Variants in NELL1 observed in about 807,000 individuals in gnomAD.
The protein encoded by NELL1 is protein kinase C-binding protein NELL1.
Under a neutral mutation model 107.4 loss-of-function variants are expected in NELL1, and 76 were observed. The ratio of observed to expected loss-of-function variants is 0.71; its 90% confidence interval spans 0.59 to 0.86. NELL1 has a LOEUF of 0.86. Among genes scored for constraint, NELL1 ranks in the 40% least tolerant of loss-of-function variants. NELL1 has a pLI of 0.00. For missense variants in NELL1, 1,024 were observed against 1,005.5 expected, an observed-to-expected ratio of 1.02 and a Z score of -0.25; for synonymous variants, 353 against 341.2, an observed-to-expected ratio of 1.03 and a Z score of -0.38.
At chr11:20,899,343 C>T (rs1300522994) in intron 5 of NELL1, among the ~76,000 whole-genome samples, 1 of 152,122 alleles carries the variant, frequency 6.6e-6, no homozygotes, top group East Asian at 1.9e-4. Context: ...TAACTAACCT[C>T]CCACCTTTGT....
At chr11:21,558,007 G>A (rs1192758848) in intron 16 of NELL1, among the ~76,000 whole-genome samples, 1 of 152,042 alleles carries the variant, frequency 6.6e-6, no homozygotes, top group Non-Finnish European at 1.5e-5. Flanking sequence ...ATGCAGGATA[G>A]AATTGTGTAT....
At chr11:21,459,965 T>G (rs1270095815) in intron 15 of NELL1, among the ~76,000 whole-genome samples, 1 of 152,082 alleles carries the variant, frequency 6.6e-6, no homozygotes, top group Non-Finnish European at 1.5e-5. Context: ...ATTCTTATGT[T>G]CAGAACATTG....
chr11:21,086,037 G>T (rs1023129647), intron 12 of NELL1, among the ~76,000 whole-genome samples: 3 of 152,152 alleles, frequency 2.0e-5, no homozygotes, highest in Non-Finnish European at 4.4e-5. Flanking sequence ...TTTTCAGAAT[G>T]CAATAGGTAC....
chr11:21,039,466 G>A (rs747486954), intron 12 of NELL1, among the ~76,000 whole-genome samples: 17 of 152,044 alleles, frequency 1.1e-4, no homozygotes, highest in Admixed American at 2.6e-4. Context: ...GATTACAGGC[G>A]TGAGCCACCA....
At chr11:20,674,445 T>C (rs1251903608) in intron 1 of NELL1, 1 of 1,464,080 alleles carries the variant, frequency 6.8e-7, no homozygotes, top group Admixed American at 2.0e-5. Context: ...CAGGTACCAG[T>C]ATCTTTTTAC....
chr11:21,360,315 G>T (rs1851045800), intron 14 of NELL1, among the ~76,000 whole-genome samples: 1 of 152,094 alleles, frequency 6.6e-6, no homozygotes, highest in Admixed American at 6.6e-5. Flanking sequence ...TTCCTTTGGA[G>T]TTGACTTCCA....
intron 2 of NELL1, among the ~76,000 whole-genome samples, chr11:20,775,127 ACT>A (rs1417762732): frequency 6.6e-6 from 1 of 152,146 alleles, no homozygotes; most frequent in Non-Finnish European, 1.5e-5. Flanking sequence ...TCTTACAATA[ACT>A]CTCAGAGAAG....
At chr11:21,255,627 C>G (rs1273294995) in intron 14 of NELL1, among the ~76,000 whole-genome samples, 1 of 152,064 alleles carries the variant, frequency 6.6e-6, no homozygotes, top group Non-Finnish European at 1.5e-5. Context: ...GCCTGTGTCT[C>G]CTCTTCCTTT....
intron 4 of NELL1, among the ~76,000 whole-genome samples, chr11:20,884,419 T>C (rs928694414): frequency 6.6e-6 from 1 of 152,174 alleles, no homozygotes; most frequent in Non-Finnish European, 1.5e-5. Context: ...CAGCGAGGAC[T>C]CAGGAAAGCA....
chr11:20,911,264 C>T (rs1258530601), intron 5 of NELL1, among the ~76,000 whole-genome samples: 3 of 152,182 alleles, frequency 2.0e-5, no homozygotes, highest in Admixed American at 6.5e-5. Context: ...ACAGAACCAA[C>T]AGTTATTGAA....
At position 20,729,451 on chromosome 11, in the gene NELL1, G is replaced by C. The variant is rs138281133; in HGVS notation, c.184+51391G>C. 3.1e-3 allele frequency among the ~76,000 whole-genome samples: 469 copies of C among 152,196 alleles called. 1 individual carries two copies. The highest frequency in any genetic ancestry group is 0.011 in the African/African-American group (450 of 41,528). ...TGATGTTGGTTATGGATTTGTCATA[G>C]ATGGCTTTTATTATTTTGAGTTATG... On this transcript the variant is annotated intron_variant, in intron 2 of 19. Coordinates refer to ENST00000357134, the MANE Select transcript of NELL1 (RefSeq NM_006157.5).
intron 13 of NELL1, among the ~76,000 whole-genome samples, chr11:21,117,961 C>G (rs531181719): frequency 2.0e-5 from 3 of 152,010 alleles, no homozygotes; most frequent in Non-Finnish European, 4.4e-5. Context: ...GGACCAGAAA[C>G]ATTTGGCAAA....
At chr11:21,571,007 G>C (rs1197135790) in intron 18 of NELL1, 67 bp downstream of exon 18, 2 of 1,465,766 alleles carry the variant, frequency 1.4e-6, no homozygotes, top group Non-Finnish European at 1.9e-6. Context: ...TCAGTTGTCT[G>C]TGGGACCTAG....
At chr11:21,017,049 C>G (rs186508135) in intron 12 of NELL1, among the ~76,000 whole-genome samples, 63 of 152,236 alleles carry the variant, frequency 4.1e-4, no homozygotes, top group African/African-American at 1.4e-3. Flanking sequence ...ATCCACCTGG[C>G]ATCATCACCA....
At chr11:20,951,905 C>G (rs1345031715) in intron 11 of NELL1, among the ~76,000 whole-genome samples, 2 of 152,082 alleles carry the variant, frequency 1.3e-5, no homozygotes, top group Non-Finnish European at 2.9e-5. Flanking sequence ...AGGAGCCTGA[C>G]CACTTGAAGT....
intron 2 of NELL1, chr11:20,769,624 A>T (rs577407969): frequency 6.6e-6 from 1 of 152,506 alleles, no homozygotes; most frequent in Non-Finnish European, 1.5e-5. Context: ...CGAGGAGGAA[A>T]ATCACCCTCA....
intron 17 of NELL1, among the ~76,000 whole-genome samples, chr11:21,561,034 T>C (rs1170877700): frequency 2.0e-5 from 3 of 152,118 alleles, no homozygotes; most frequent in African/African-American, 7.2e-5. Context: ...TTAAACTGTT[T>C]GATCTCTTTG....
At chr11:21,156,546 G>GGGA (rs1439013273) in intron 13 of NELL1, among the ~76,000 whole-genome samples, 8 of 152,052 alleles carry the variant, frequency 5.3e-5, no homozygotes, top group African/African-American at 1.9e-4. Context: ...CACCTGGAAG[G>GGGA]GGAGAAAATT....
intron 13 of NELL1, among the ~76,000 whole-genome samples, chr11:21,224,393 ATT>A (rs36044630): frequency 6.9e-6 from 1 of 144,126 alleles, no homozygotes; most frequent in Non-Finnish European, 1.5e-5. Flanking sequence ...CCATACCCAG[ATT>A]TTTTTTTTTT....
Sources: gnomAD v4.1 joint callset for allele counts (sites outside exome capture counted in the v4.1 genomes callset) on GRCh38, gnomAD v4.1.1 for gene constraint, MANE v1.5 for transcripts, NCBI Gene and HGNC (gene_info 2026-07-23, HGNC 2026-07-21) for gene names.